Variants in TMEM204 observed in about 807,000 individuals in gnomAD.
The protein encoded by TMEM204 is transmembrane protein 204.
A neutral mutation model predicts 19.4 loss-of-function variants in TMEM204; 15 were observed. That is an observed-to-expected ratio of 0.77 (90% confidence interval 0.52 to 1.19). The LOEUF is 1.19. Among genes scored for constraint, TMEM204 ranks in the 50% most tolerant of loss-of-function variants. The probability of loss-of-function intolerance (pLI) is 0.00; values close to 1 mark genes in which losing one functional copy is unlikely to be tolerated. For missense variants in TMEM204, 287 were observed against 321.2 expected (o/e 0.89, Z 0.81); for synonymous variants, 161 against 146.0 (o/e 1.10, Z -0.74).
intron 2 of TMEM204, among the ~76,000 whole-genome samples, chr16:1,544,550 GA>G (rs1567351941): frequency 6.6e-6 from 1 of 151,912 alleles, no homozygotes. Context: ...AGCTGGTCTC[GA>G]ACTCCTGATC....
chr16:1,542,005 T>A lies in TMEM204; in HGVS notation c.365T>A (p.Val122Glu). 1 of 1,611,354 alleles carries A rather than the reference T, an allele frequency of 6.2e-7. No individual in the cohort carries two copies. The highest frequency in any genetic ancestry group is 8.5e-7 in the Non-Finnish European group (1 of 1,179,644). The stretch of plus-strand genomic sequence containing the variant: ...CAGCTCACCTTCCTCCTGGGGCTGG[T>A]GGGCCTGCCCCTGCTGTCACCCGAC... ...AGQLTFLLGL[V>E]GLPLLSPDAP... Residue 122 changes from valine (V) to glutamate (E), a missense_variant, in exon 2 of 3, where the codon GTG (valine) becomes GAG (glutamate). Val to Glu is a moderately radical substitution (Grantham distance 121). Transcript: ENST00000566264.
In TMEM204 at chr16:1,553,228, C is replaced by G. The variant is rs2032818295; in HGVS notation, c.437-1554C>G. On this transcript the variant is annotated intron_variant, in intron 2 of 2. Coordinates refer to ENST00000566264, the MANE Select transcript of TMEM204 (RefSeq NM_024600.6). The surrounding 1 kb of genome is among the most constrained non-coding windows in gnomAD (Gnocchi z 4.4). ...TGTCTCTGTCTCTCTCTGTCTCCAT[C>G]TGTCTCTGTGTCTGTCTCTGTCTCT... The G allele has an allele frequency of 2.0e-6, 2 of 978,380 alleles. No individual in the cohort carries two copies. The highest frequency in any genetic ancestry group is 9.5e-5 in the South Asian group (2 of 21,116). The allele number at this position is 978,380 out of a possible 1,614,324, so 60.6% of individuals were successfully genotyped here. A position where few individuals can be genotyped will look rare whatever the true frequency, so the allele number is the denominator to read the frequency against.
chr16:1,553,787 T>G lies in TMEM204; in HGVS notation c.437-995T>G. The G allele has an allele frequency of 8.4e-7, 1 of 1,196,410 alleles. No individual in the cohort carries two copies. Among genetic ancestry groups the G allele is most frequent in the Non-Finnish European group, 1.1e-6 (1 of 946,238 alleles). 74.1% of individuals were successfully genotyped at this position (1,196,410 alleles called of 1,614,324 possible). A position where few individuals can be genotyped will look rare whatever the true frequency, so the allele number is the denominator to read the frequency against. ...GGCCATGTGGACAGCCTCTCCTCCA[T>G]CCTAGAGCCTATGTTTCCAGCTGGA... On this transcript the variant is annotated intron_variant, in intron 2 of 2. Coordinates refer to ENST00000566264, the MANE Select transcript of TMEM204 (RefSeq NM_024600.6). The surrounding 1 kb of genome is among the most constrained non-coding windows in gnomAD (Gnocchi z 4.4).
intron 1 of TMEM204, among the ~76,000 whole-genome samples, 175 bp from the exon 2 acceptor site, chr16:1,541,746 G>A (rs2031660162): frequency 1.3e-5 from 2 of 152,092 alleles, no homozygotes. Context: ...CCCAGGGCTT[G>A]CAGGCAGGTG....
chr16:1,555,064 A>G lies in TMEM204; in HGVS notation c.*38A>G, dbSNP rs1246100749. 1.7e-5 allele frequency: 27 copies of G among 1,576,248 alleles called. No individual in the cohort carries two copies. The highest frequency in any genetic ancestry group is 2.2e-5 in the Non-Finnish European group (26 of 1,163,216). ...AGCGCTCCATCAACGCACACCTGCT[A>G]TCGTGGAACAGCCTAGAAACCAAGG... is the stretch of plus-strand genomic sequence containing the variant. On this transcript the variant is annotated 3_prime_UTR_variant, in exon 3 of 3. Transcript: ENST00000566264.
chr16:1,537,154 C>T (rs1028676794), intron 1 of TMEM204, among the ~76,000 whole-genome samples: 2 of 152,196 alleles, frequency 1.3e-5, no homozygotes, highest in African/African-American at 2.4e-5. Flanking sequence ...AATTCCATCC[C>T]GAGAACCAGT....
chr16:1,536,360 G>A (rs191351219), intron 1 of TMEM204, among the ~76,000 whole-genome samples: 9 of 152,266 alleles, frequency 5.9e-5, no homozygotes, highest in African/African-American at 1.9e-4. Flanking sequence ...GACACACGAG[G>A]CCCCTCACAG....
upstream of TMEM204, among the ~76,000 whole-genome samples, chr16:1,530,535 G>C (rs2030354955): frequency 6.6e-6 from 1 of 151,588 alleles, no homozygotes; most frequent in Non-Finnish European, 1.5e-5. Flanking sequence ...GCCCCGCGTG[G>C]CTCCTTTCCT....
chr16:1,546,910 A>G (rs1188176980), intron 2 of TMEM204, among the ~76,000 whole-genome samples: 2 of 152,222 alleles, frequency 1.3e-5, no homozygotes, highest in East Asian at 3.8e-4. Context: ...TTGGGCTAGC[A>G]TGAGGAGGTC....
Position 1,533,997 on chromosome 16 carries a change from C to T in TMEM204, c.-279C>T. The stretch of plus-strand genomic sequence containing the variant: ...TCCCGGGAAGACGGCGCACTCCTGG[C>T]CCTGGGTTCTTGCTGCTGCCCACCC... On this transcript the variant is annotated 5_prime_UTR_variant, in exon 1 of 3. Coordinates refer to ENST00000566264, the MANE Select transcript of TMEM204 (RefSeq NM_024600.6). The surrounding 1 kb of genome is among the most constrained non-coding windows in gnomAD (Gnocchi z 4.7). 1 of 489,032 alleles carries T rather than the reference C, an allele frequency of 2.0e-6. No individual in the cohort carries two copies. Among genetic ancestry groups the T allele is most frequent in the Non-Finnish European group, 3.6e-6 (1 of 279,572 alleles). The allele number at this position is 489,032 out of a possible 1,614,324, so 30.3% of individuals were successfully genotyped here. A position where few individuals can be genotyped will look rare whatever the true frequency, so the allele number is the denominator to read the frequency against.
chr16:1,550,760 C>T (rs954301296), intron 2 of TMEM204, among the ~76,000 whole-genome samples: 1 of 152,252 alleles, frequency 6.6e-6, no homozygotes, highest in Non-Finnish European at 1.5e-5. Flanking sequence ...CAAATGCCAC[C>T]CTCTGGGGAC....
intron 1 of TMEM204, among the ~76,000 whole-genome samples, chr16:1,540,294 C>T (rs892467456): frequency 3.3e-5 from 5 of 152,254 alleles, no homozygotes; most frequent in African/African-American, 7.2e-5. Context: ...GAGGTTGAAC[C>T]GTGTGGAATT....
rs2033001022 is a variant in TMEM204 at position 1,555,273 on chromosome 16, C to A, written c.*247C>A. On this transcript the variant is annotated 3_prime_UTR_variant, in exon 3 of 3. Coordinates refer to ENST00000566264, the MANE Select transcript of TMEM204 (RefSeq NM_024600.6). ...TGGTTAGCGCAACGCGGCTCCACGA[C>A]CACACGCACTTCAGGGTGGAAGCTG... 1 of 508,042 alleles carries A rather than the reference C, an allele frequency of 2.0e-6. No individual in the cohort carries two copies. Among genetic ancestry groups the A allele is most frequent in the Non-Finnish European group, 3.5e-6 (1 of 285,764 alleles). The allele number at this position is 508,042 out of a possible 1,614,324, so 31.5% of individuals were successfully genotyped here.
chr16:1,544,022 T>A (rs1380549781), intron 2 of TMEM204, among the ~76,000 whole-genome samples: 1 of 150,502 alleles, frequency 6.6e-6, no homozygotes, highest in Non-Finnish European at 1.5e-5. Flanking sequence ...TACATTTCTT[T>A]TTTTTTTTTT....
chr16:1,540,871 G>A (rs2031564948), intron 1 of TMEM204: 1 of 985,252 alleles, frequency 1.0e-6, no homozygotes, highest in African/African-American at 1.7e-5. Context: ...GACTCTGTGG[G>A]GCTGTTGCTT....
intron 2 of TMEM204, among the ~76,000 whole-genome samples, chr16:1,546,502 G>A (rs1190778693): frequency 1.3e-5 from 2 of 152,184 alleles, no homozygotes; most frequent in Admixed American, 6.5e-5. Context: ...ATGTGCCCTC[G>A]TCAGCAATGC....
At chr16:1,552,575 G>A (rs954870339) in intron 2 of TMEM204, among the ~76,000 whole-genome samples, 1 of 151,822 alleles carries the variant, frequency 6.6e-6, no homozygotes, top group African/African-American at 2.4e-5. Context: ...ACACAATCGT[G>A]AGCAGAGGGC....
chr16:1,547,375 C>T lies in TMEM204; in HGVS notation c.436+5299C>T, dbSNP rs137868999. Among the ~76,000 whole-genome samples, 104 of 152,260 alleles carry T rather than the reference C, an allele frequency of 6.8e-4. 2 individuals are homozygous for T. Among genetic ancestry groups the T allele is most frequent in the East Asian group, 5.8e-3 (30 of 5,182 alleles). ...AATGGCATTTAGGTTTTCCTGGAGACGCTGACTTTATCAGTCCTTAAATGG... is the reference window on the plus strand; with the variant it reads ...AATGGCATTTAGGTTTTCCTGGAGATGCTGACTTTATCAGTCCTTAAATGG... On this transcript the variant is annotated intron_variant, in intron 2 of 2. Coordinates refer to ENST00000566264, the MANE Select transcript of TMEM204 (RefSeq NM_024600.6).
At chr16:1,534,610 T>C (rs1455049489) in intron 1 of TMEM204, 55 bp downstream of exon 1, 1 of 1,593,312 alleles carries the variant, frequency 6.3e-7, no homozygotes, top group African/African-American at 1.3e-5. Flanking sequence ...CGAGGGCACA[T>C]GGGAGATGTT....
Sources: allele counts gnomAD v4.1 joint callset (sites outside exome capture counted in the v4.1 genomes callset), GRCh38; gene constraint gnomAD v4.1.1; non-coding constraint Gnocchi (gnomAD v3.1); transcripts MANE v1.5; gene names NCBI Gene and HGNC (gene_info 2026-07-23, HGNC 2026-07-21).